Variants in ACSL6 observed in about 807,000 individuals in gnomAD.
The protein encoded by ACSL6 is acyl-CoA synthetase long chain family member 6.
In ACSL6, 47 loss-of-function variants were observed where a neutral mutation model predicts 98.2. The ratio of observed to expected loss-of-function variants is 0.48; its 90% CI spans 0.38 to 0.61. The LOEUF (loss-of-function observed/expected upper bound fraction) is 0.61, where lower values mean the gene tolerates loss of function less well. ACSL6 is among the 20% of genes least tolerant of loss of function. ACSL6 has a pLI of 0.00. For synonymous variants in ACSL6, 362 were observed against 336.9 expected, an observed-to-expected ratio of 1.07 and a Z score of -0.82; for missense variants, 761 against 913.4, an observed-to-expected ratio of 0.83 and a Z score of 2.15.
chr5:131,954,109 A>G lies in ACSL6; in HGVS notation c.*125T>C, dbSNP rs1752276945. On this transcript the variant is annotated 3_prime_UTR_variant, in exon 21 of 21. Coordinates refer to ENST00000651883, the MANE Select transcript of ACSL6 (RefSeq NM_001009185.3). ...TTGTTAAAGACCTCTTGGGACAGGA[A>G]AAGGCTCAGTCATAAAATCAGATGC... 7 of 992,160 alleles carry G rather than the reference A, an allele frequency of 7.1e-6. No homozygotes were observed. The highest frequency in any genetic ancestry group is 9.6e-6 in the Non-Finnish European group (7 of 730,252). 61.5% of individuals were successfully genotyped at this position (992,160 alleles called of 1,614,324 possible). A position where few individuals can be genotyped will look rare whatever the true frequency, so the allele number is the denominator to read the frequency against.
Position 131,988,041 on chromosome 5 carries a change from C to T in ACSL6, c.831+7G>A. 6.2e-7 allele frequency: 1 copy of T among 1,612,836 alleles called. No homozygotes were observed. The highest frequency in any genetic ancestry group is 8.5e-7 in the Non-Finnish European group (1 of 1,179,142). On this transcript the variant is annotated splice_region_variant and intron_variant, in intron 7 of 20. Coordinates refer to ENST00000651883, the MANE Select transcript of ACSL6 (RefSeq NM_001009185.3). ...GCCCAGCAAACCGCCCAGAAGCAGACCCTCACCTCCACGGCCTGCATGGAC... is the reference window on the plus strand; with the variant it reads ...GCCCAGCAAACCGCCCAGAAGCAGATCCTCACCTCCACGGCCTGCATGGAC...
intron 12 of ACSL6, 94 bp downstream of exon 12, chr5:131,973,172 G>T: frequency 6.7e-7 from 1 of 1,484,558 alleles, no homozygotes; most frequent in Non-Finnish European, 9.1e-7. Context: ...CTTGGCAGTG[G>T]AGGCACTGAA....
At chr5:131,979,451 G>A (rs969283920) in intron 9 of ACSL6, among the ~76,000 whole-genome samples, 7 of 152,134 alleles carry the variant, frequency 4.6e-5, no homozygotes, top group Admixed American at 2.0e-4. Context: ...TTCTAAAGCC[G>A]CCATTCAGTT....
At chr5:131,962,307 G>A (rs1752752905) in intron 18 of ACSL6, among the ~76,000 whole-genome samples, 1 of 152,192 alleles carries the variant, frequency 6.6e-6, no homozygotes, top group Non-Finnish European at 1.5e-5. Context: ...AGTAAGTAGA[G>A]CATAAGTGAA....
intron 18 of ACSL6, among the ~76,000 whole-genome samples, chr5:131,961,231 C>T (rs1752688681): frequency 1.3e-5 from 2 of 151,886 alleles, no homozygotes; most frequent in Admixed American, 1.3e-4. Flanking sequence ...AACCATGTTG[C>T]CCAGGCTGGT....
At chr5:131,993,956 G>A (rs1395400216) in intron 2 of ACSL6, 75 bp downstream of exon 2, 3 of 1,471,786 alleles carry the variant, frequency 2.0e-6, no homozygotes, top group Non-Finnish European at 2.8e-6. Context: ...TAAGCCACAA[G>A]TCTGGCTTCT....
At chr5:131,969,464 G>A (rs992418246) in intron 15 of ACSL6, among the ~76,000 whole-genome samples, 1 of 148,112 alleles carries the variant, frequency 6.8e-6, no homozygotes, top group Non-Finnish European at 1.5e-5. Flanking sequence ...TTTTTTTTTT[G>A]TCACAGGTTT....
chr5:131,984,035 T>C (rs561511994), intron 9 of ACSL6: 2 of 152,316 alleles, frequency 1.3e-5, no homozygotes, highest in African/African-American at 4.8e-5. Context: ...AAATTCACAT[T>C]GTAAAACTCA....
intron 10 of ACSL6, 81 bp from the exon 11 acceptor site, chr5:131,975,051 G>GA: frequency 6.5e-7 from 1 of 1,531,594 alleles, no homozygotes; most frequent in Non-Finnish European, 8.9e-7. Flanking sequence ...ACAATAAAGA[G>GA]AAAATGGTCC....
chr5:131,988,656 C>T (rs1754331486), intron 6 of ACSL6, 149 bp downstream of exon 6: 8 of 1,606,702 alleles, frequency 5.0e-6, no homozygotes, highest in Non-Finnish European at 8.5e-7. Context: ...CTCAGGAAGC[C>T]AACTCAGGAG....
chr5:131,985,236 T>A (rs1017491207), intron 9 of ACSL6, 171 bp downstream of exon 9: 1 of 775,494 alleles, frequency 1.3e-6, no homozygotes, highest in Non-Finnish European at 2.1e-6. Flanking sequence ...ATCTGGCCAC[T>A]CTTATGCAGG....
intron 1 of ACSL6, among the ~76,000 whole-genome samples, chr5:131,995,629 AGAGAGGG>A (rs1487161289): frequency 6.6e-6 from 1 of 152,226 alleles, no homozygotes; most frequent in East Asian, 1.9e-4. Flanking sequence ...TTGACCCCTG[AGAGAGGG>A]GAGATCTGCT....
chr5:131,962,414 GTT>G (rs1580629047), intron 18 of ACSL6, 119 bp downstream of exon 18: 2 of 1,211,458 alleles, frequency 1.7e-6, no homozygotes, highest in East Asian at 4.9e-5. Flanking sequence ...TTAAAAAGGA[GTT>G]TTCTCTCATG....
intron 1 of ACSL6, among the ~76,000 whole-genome samples, chr5:132,009,035 T>C (rs116466739): frequency 1.6e-3 from 243 of 152,354 alleles, no homozygotes; most frequent in African/African-American, 5.6e-3. Flanking sequence ...GCTGGACTTA[T>C]TTTACTTGTC....
intron 1 of ACSL6, among the ~76,000 whole-genome samples, chr5:131,999,812 C>T (rs897656584): frequency 2.6e-5 from 4 of 152,238 alleles, no homozygotes; most frequent in Non-Finnish European, 5.9e-5. Flanking sequence ...AACCCTCACC[C>T]TGCCAGCGTG....
intron 13 of ACSL6, among the ~76,000 whole-genome samples, 196 bp downstream of exon 13, chr5:131,972,528 A>T (rs912445095): frequency 6.6e-6 from 1 of 152,304 alleles, no homozygotes; most frequent in African/African-American, 2.4e-5. Context: ...TGCTCATCTC[A>T]AATGTAACGT....
At chr5:132,005,012 T>A (rs1755323246) in intron 1 of ACSL6, among the ~76,000 whole-genome samples, 2 of 151,850 alleles carry the variant, frequency 1.3e-5, no homozygotes, top group Non-Finnish European at 2.9e-5. Flanking sequence ...ATTAGCCGGG[T>A]GTGGTGGCAG....
At chr5:131,965,172 C>T (rs759214964) in intron 17 of ACSL6, among the ~76,000 whole-genome samples, 2 of 152,196 alleles carry the variant, frequency 1.3e-5, no homozygotes, top group Non-Finnish European at 1.5e-5. Flanking sequence ...ACATCATTCA[C>T]GTGCCTCATT....
At chr5:131,976,058 T>A (rs920197530) in intron 10 of ACSL6, 1 of 985,368 alleles carries the variant, frequency 1.0e-6, no homozygotes, top group African/African-American at 1.7e-5. Context: ...CACTCCTTTA[T>A]GCTGAAGGAA....
Sources: gnomAD v4.1 joint callset for allele counts (sites outside exome capture counted in the v4.1 genomes callset) on GRCh38, gnomAD v4.1.1 for gene constraint, MANE v1.5 for transcripts, NCBI Gene and HGNC (gene_info 2026-07-23, HGNC 2026-07-21) for gene names.